COL22A1: variants seen among roughly 807,000 people sequenced by gnomAD.
The protein encoded by COL22A1 is collagen type XXII alpha 1 chain, also known as collagen alpha-1(XXII) chain.
COL22A1 carries 221 observed loss-of-function variants against 248.9 expected under a neutral mutation model. The observed-to-expected ratio is 0.89, with a 90% CI of 0.80 to 0.99. The LOEUF (loss-of-function observed/expected upper bound fraction) is 0.99. Ranked by LOEUF, COL22A1 falls within the 50% of genes least tolerant of loss-of-function variation. The pLI, the probability that COL22A1 is intolerant of heterozygous loss-of-function variation, is 0.00. For missense variants in COL22A1, 2,240 were observed against 2,179.0 expected, an observed-to-expected ratio of 1.03 and a Z score of -0.56; for synonymous variants, 891 against 793.4, an observed-to-expected ratio of 1.12 and a Z score of -2.07.
chr8:138,685,137 T>G lies in COL22A1; in HGVS notation c.2967+71A>C, dbSNP rs943604803. 2.7e-6 allele frequency: 3 copies of G among 1,102,496 alleles called. No homozygotes were observed. The African/African-American group carries it at 4.7e-5, about 17-fold the overall frequency. 68.3% of individuals were successfully genotyped at this position (1,102,496 alleles called of 1,614,324 possible). On this transcript the variant is annotated intron_variant, in intron 38 of 64. Coordinates refer to ENST00000303045, the MANE Select transcript of COL22A1 (RefSeq NM_152888.3). ...ATTTCTGCAAAGTTTGGCAGTTAGA[T>G]TTTTTTCCTTTTCCTTCTCTAATTT...
chr8:138,846,778 A>T (rs1821277966), intron 3 of COL22A1, among the ~76,000 whole-genome samples: 1 of 152,158 alleles, frequency 6.6e-6, no homozygotes, highest in African/African-American at 2.4e-5. Context: ...TCACTCATCT[A>T]TTCAAACTCA....
intron 7 of COL22A1, among the ~76,000 whole-genome samples, chr8:138,814,897 C>A (rs1051733770): frequency 6.6e-6 from 1 of 152,142 alleles, no homozygotes; most frequent in Admixed American, 6.5e-5. Flanking sequence ...GTGCATCTTG[C>A]ATGATATGGT....
chr8:138,692,278 ACATGCATGT>A (rs1827113008), intron 35 of COL22A1, among the ~76,000 whole-genome samples: 1 of 3,738 alleles, frequency 2.7e-4, no homozygotes, highest in African/African-American at 8.7e-4. Context: ...GTTTGTGTGC[ACATGCATGT>A]GTGCATGTTT....
intron 39 of COL22A1, among the ~76,000 whole-genome samples, chr8:138,684,186 C>A (rs1826164512): frequency 6.6e-6 from 1 of 151,530 alleles, no homozygotes. Context: ...ATCACTTGAA[C>A]CCAGGAGGTT....
intron 50 of COL22A1, 124 bp downstream of exon 50, chr8:138,630,571 C>CAGAACCTCA (rs1820626620): frequency 1.2e-6 from 1 of 820,956 alleles, no homozygotes; most frequent in Admixed American, 1.8e-5. Flanking sequence ...TTGTAGTGAA[C>CAGAACCTCA]AGAACCTCAA....
intron 30 of COL22A1, among the ~76,000 whole-genome samples, chr8:138,710,606 T>TATAG (rs150247137): frequency 1.4e-3 from 202 of 147,836 alleles, no homozygotes; most frequent in Non-Finnish European, 2.3e-3. Flanking sequence ...TATCTATCTA[T>TATAG]CTATATATAT....
At chr8:138,676,892 T>C (rs1256902918) in intron 40 of COL22A1, among the ~76,000 whole-genome samples, 1 of 152,188 alleles carries the variant, frequency 6.6e-6, no homozygotes, top group Non-Finnish European at 1.5e-5. Context: ...TGGCTCTAAA[T>C]GTGATTATAA....
chr8:138,792,123 G>A (rs1047366408), intron 12 of COL22A1, among the ~76,000 whole-genome samples: 1 of 152,100 alleles, frequency 6.6e-6, no homozygotes, highest in Non-Finnish European at 1.5e-5. Flanking sequence ...CATTCCTGGT[G>A]GGTGTCAGGG....
chr8:138,614,374 A>G (rs1819141494), intron 55 of COL22A1, among the ~76,000 whole-genome samples: 2 of 152,204 alleles, frequency 1.3e-5, no homozygotes, highest in Admixed American at 1.3e-4. Flanking sequence ...CACCTTGCAG[A>G]GTCTTCCAAG....
intron 3 of COL22A1, among the ~76,000 whole-genome samples, chr8:138,859,780 T>A (rs1450017912): frequency 1.3e-5 from 2 of 152,184 alleles, no homozygotes; most frequent in Non-Finnish European, 2.9e-5. Flanking sequence ...GGGATGGGCA[T>A]CGGTGTGGCC....
intron 23 of COL22A1, among the ~76,000 whole-genome samples, chr8:138,726,130 C>T (rs964303823): frequency 2.0e-5 from 3 of 151,040 alleles, no homozygotes; most frequent in South Asian, 2.1e-4. Flanking sequence ...ACGTAAGACC[C>T]GTTTCCAAGC....
At chr8:138,720,923 C>A (rs1304525649) in intron 26 of COL22A1, 131 bp from the exon 27 acceptor site, 2 of 742,102 alleles carry the variant, frequency 2.7e-6, no homozygotes, top group African/African-American at 3.5e-5. Flanking sequence ...TTCAACTCTG[C>A]GATTACCTAA....
chr8:138,598,574 A>G (rs1217018635), intron 61 of COL22A1, 145 bp downstream of exon 61: 1 of 707,008 alleles, frequency 1.4e-6, no homozygotes, highest in Non-Finnish European at 2.3e-6. Flanking sequence ...AGATTCAGAG[A>G]GGAAAAGTAG....
intron 1 of COL22A1, among the ~76,000 whole-genome samples, chr8:138,902,492 T>A (rs1814658215): frequency 6.6e-6 from 1 of 151,808 alleles, no homozygotes; most frequent in Non-Finnish European, 1.5e-5. Context: ...GGTCAGGAGA[T>A]CGAGACCATC....
At chr8:138,894,080 C>T (rs548813829) in intron 1 of COL22A1, among the ~76,000 whole-genome samples, 2 of 152,280 alleles carry the variant, frequency 1.3e-5, no homozygotes, top group South Asian at 2.1e-4. Context: ...ATGCAGAAAA[C>T]AATGAAAATT....
intron 51 of COL22A1, 75 bp downstream of exon 51, chr8:138,626,115 A>G: frequency 8.5e-7 from 1 of 1,178,778 alleles, no homozygotes. Flanking sequence ...ACAGTGGAAT[A>G]TATTTTTGTT....
chr8:138,633,254 A>G (rs1820876394), intron 49 of COL22A1, among the ~76,000 whole-genome samples: 1 of 152,270 alleles, frequency 6.6e-6, no homozygotes, highest in Non-Finnish European at 1.5e-5. Flanking sequence ...AAAGCACGAC[A>G]CAAAATAGAA....
intron 49 of COL22A1, among the ~76,000 whole-genome samples, chr8:138,633,579 G>T (rs1242720273): frequency 6.6e-6 from 1 of 152,148 alleles, no homozygotes; most frequent in Non-Finnish European, 1.5e-5. Context: ...CATTTAGGAA[G>T]CTAATGTCAT....
At position 138,906,318 on chromosome 8, in the gene COL22A1, G is replaced by A. The variant is rs763474950; in HGVS notation, c.-73+7301C>T. Reference sequence around the variant, plus strand: ...CCGGGAGGCGGAGCTTGCAGTGAGCGGAGGTGGTGCCACTGCACTCCAGCC... The same window carrying A: ...CCGGGAGGCGGAGCTTGCAGTGAGCAGAGGTGGTGCCACTGCACTCCAGCC... On this transcript the variant is annotated intron_variant, in intron 1 of 64. Coordinates refer to ENST00000303045, the MANE Select transcript of COL22A1 (RefSeq NM_152888.3). Among the ~76,000 whole-genome samples, 58 of 151,632 alleles carry A rather than the reference G, an allele frequency of 3.8e-4. No homozygotes were observed. In the Middle Eastern group the frequency reaches 0.01, roughly 27 times the overall value.
Sources: allele counts gnomAD v4.1 joint callset (sites outside exome capture counted in the v4.1 genomes callset), GRCh38; gene constraint gnomAD v4.1.1; transcripts MANE v1.5; gene names NCBI Gene and HGNC (gene_info 2026-07-23, HGNC 2026-07-21).